The following VPS13A variants were observed in gnomAD, a reference collection of about 807,000 sequenced individuals.
The protein encoded by VPS13A is vacuolar protein sorting 13 homolog A.
A neutral mutation model predicts 390.9 loss-of-function variants in VPS13A; 264 were observed. The observed-to-expected ratio is 0.68, with a 90% confidence interval of 0.61 to 0.75. VPS13A has a LOEUF of 0.75. Ranked by LOEUF, VPS13A falls within the 30% of genes least tolerant of loss-of-function variation. The pLI, the probability that VPS13A is intolerant of heterozygous loss-of-function variation, is 0.00. For synonymous variants in VPS13A, 1,231 were observed against 1,227.1 expected, an observed-to-expected ratio of 1.00 and a Z score of -0.07; for missense variants, 3,409 against 3,733.9, an observed-to-expected ratio of 0.91 and a Z score of 2.27.
chr9:77,232,955 A>C (rs1823919136), intron 17 of VPS13A, among the ~76,000 whole-genome samples: 1 of 152,140 alleles, frequency 6.6e-6, no homozygotes, highest in Non-Finnish European at 1.5e-5. Flanking sequence ...GTTTTACTAT[A>C]AGTAAGTTTA....
At chr9:77,247,177 T>C (rs192405247) in intron 19 of VPS13A, 82 bp from the exon 20 acceptor site, 3 of 1,152,384 alleles carry the variant, frequency 2.6e-6, no homozygotes, top group Non-Finnish European at 3.6e-6. Context: ...AAGATTGTTT[T>C]ATCAGTTCAT....
intron 67 of VPS13A, among the ~76,000 whole-genome samples, chr9:77,376,616 G>A (rs957924997): frequency 2.0e-5 from 3 of 152,150 alleles, no homozygotes; most frequent in East Asian, 3.8e-4. Flanking sequence ...TGAGGTTGTC[G>A]TTCTTTTTAG....
At chr9:77,293,792 G>A (rs913749800) in intron 32 of VPS13A, among the ~76,000 whole-genome samples, 3 of 151,858 alleles carry the variant, frequency 2.0e-5, no homozygotes, top group African/African-American at 4.8e-5. Context: ...TAGAACCTTC[G>A]TTTTATATGT....
chr9:77,356,485 G>A (rs1034635701), intron 54 of VPS13A, among the ~76,000 whole-genome samples: 1 of 152,100 alleles, frequency 6.6e-6, no homozygotes, highest in Non-Finnish European at 1.5e-5. Context: ...GCTCCAGAAT[G>A]ACAGAGATGT....
chr9:77,413,607 C>G (rs1225810324), intron 71 of VPS13A, among the ~76,000 whole-genome samples: 1 of 152,170 alleles, frequency 6.6e-6, no homozygotes, highest in East Asian at 1.9e-4. Flanking sequence ...GGATTAAAGA[C>G]TTAAATGTTA....
intron 37 of VPS13A, 95 bp from the exon 38 acceptor site, chr9:77,315,158 C>A: frequency 8.9e-7 from 1 of 1,119,098 alleles, no homozygotes; most frequent in Non-Finnish European, 1.3e-6. Flanking sequence ...TTTTTTTTGT[C>A]AGTAAAAGAG....
rs1457296388 is a variant in VPS13A at position 77,415,964 on chromosome 9, C to G, written c.9483C>G (p.Leu3161=). The G allele has an allele frequency of 3.1e-6, 5 of 1,613,350 alleles. No individual in the cohort carries two copies. The highest frequency in any genetic ancestry group is 4.2e-6 in the Non-Finnish European group (5 of 1,179,508). The change falls in exon 72 of 72, where the codon CTC becomes CTG. Residue 3161 remains leucine, a synonymous_variant. Coordinates refer to ENST00000360280, the MANE Select transcript of VPS13A (RefSeq NM_033305.3). ...TTATTTTCCCACCGCAGTGGATCCT[C>G]ACAAAGCTACAAGAAGCAAGAGAAC... is the stretch of plus-strand genomic sequence containing the variant. ...FKTPEDARWI[L]TKLQEAREPS... is the part of the protein sequence containing the mutation.
intron 23 of VPS13A, among the ~76,000 whole-genome samples, chr9:77,264,806 T>C (rs1034239419): frequency 6.6e-6 from 1 of 152,216 alleles, no homozygotes. Flanking sequence ...CTTGCCTGAT[T>C]TCCCTGGCCA....
In VPS13A at chr9:77,314,562, G is replaced by C; in HGVS notation, c.4310G>C (p.Ser1437Thr). 6.2e-7 allele frequency: 1 copy of C among 1,610,890 alleles called. No individual in the cohort carries two copies. The highest frequency in any genetic ancestry group is 8.5e-7 in the Non-Finnish European group (1 of 1,178,000). ...LAEFKLENII[S>T]TLKMYTDGST... is the part of the protein sequence containing the mutation. ...GAATTTAAATTGGAGAATATTATAA[G>C]TACTTTAAAAATGTATACAGATGGC... The change falls in exon 37 of 72, where the codon AGT becomes ACT. Residue 1437 changes from serine (S) to threonine (T), a missense_variant. This residue lies in a region of VPS13A where 2,717 missense variants were observed against 2,917.4 expected (regional missense o/e 0.93). Coordinates refer to ENST00000360280, the MANE Select transcript of VPS13A (RefSeq NM_033305.3).
intron 23 of VPS13A, among the ~76,000 whole-genome samples, chr9:77,266,758 T>C (rs1826058913): frequency 6.6e-6 from 1 of 152,286 alleles, no homozygotes; most frequent in Admixed American, 6.5e-5. Flanking sequence ...AAGAGTGTTT[T>C]CCAACTTGGT....
chr9:77,185,674 C>T (rs891911997), intron 1 of VPS13A, among the ~76,000 whole-genome samples: 5 of 152,090 alleles, frequency 3.3e-5, no homozygotes, highest in Admixed American at 3.3e-4. Context: ...AACAGTCTTC[C>T]CCTCCTCTTT....
At chr9:77,374,609 G>A (rs983186805) in intron 67 of VPS13A, among the ~76,000 whole-genome samples, 1 of 152,200 alleles carries the variant, frequency 6.6e-6, no homozygotes, top group Non-Finnish European at 1.5e-5. Flanking sequence ...GACCACAGTT[G>A]ACTGTGGATA....
chr9:77,215,311 A>G (rs561539263), intron 10 of VPS13A, among the ~76,000 whole-genome samples: 1 of 152,278 alleles, frequency 6.6e-6, no homozygotes, highest in South Asian at 2.1e-4. Context: ...TGTCTATATT[A>G]TACACCTTCA....
At position 77,318,549 on chromosome 9, in the gene VPS13A, C is replaced by G; in HGVS notation, c.5271C>G (p.Asn1757Lys). Residue 1757 changes from asparagine (N) to lysine (K), a missense_variant, in exon 41 of 72, where the codon AAC becomes AAG. Coordinates refer to ENST00000360280, the MANE Select transcript of VPS13A (RefSeq NM_033305.3). ...AKSRFSGEGK[N>K]WSSLINLHCQ... ...CACGTTTTTCAGGGGAAGGCAAAAA[C>G]TGGAGTTCCCTAATAAATCTGCACT... 6.2e-7 allele frequency: 1 copy of G among 1,613,828 alleles called. No individual in the cohort carries two copies. The highest frequency in any genetic ancestry group is 8.5e-7 in the Non-Finnish European group (1 of 1,179,886).
intron 50 of VPS13A, among the ~76,000 whole-genome samples, chr9:77,340,956 A>C (rs893690929): frequency 2.0e-5 from 3 of 152,188 alleles, no homozygotes; most frequent in Non-Finnish European, 4.4e-5. Context: ...TTAGAAGTGA[A>C]ATTTTGATTT....
At chr9:77,337,566 T>C in intron 47 of VPS13A, 29 bp downstream of exon 47, 1 of 1,597,134 alleles carries the variant, frequency 6.3e-7, no homozygotes, top group Non-Finnish European at 8.5e-7. Flanking sequence ...AGTGCCTTCC[T>C]GTTTTTGATT....
chr9:77,402,870 TTG>T (rs1206685951), intron 68 of VPS13A, among the ~76,000 whole-genome samples: 7 of 152,242 alleles, frequency 4.6e-5, no homozygotes, highest in Non-Finnish European at 8.8e-5. Flanking sequence ...ATGTTTAGAT[TTG>T]TGTTAGTATT....
chr9:77,281,206 A>G (rs967469602), intron 27 of VPS13A, among the ~76,000 whole-genome samples: 1 of 152,150 alleles, frequency 6.6e-6, no homozygotes, highest in Non-Finnish European at 1.5e-5. Flanking sequence ...GACAGGAAGA[A>G]TAATTTTTGA....
At chr9:77,401,206 C>T (rs1235797576) in intron 68 of VPS13A, among the ~76,000 whole-genome samples, 2 of 152,068 alleles carry the variant, frequency 1.3e-5, no homozygotes, top group African/African-American at 2.4e-5. Flanking sequence ...TCTCATTCTT[C>T]TTTCATAATT....
Sources: gnomAD v4.1 joint callset for allele counts (sites outside exome capture counted in the v4.1 genomes callset) on GRCh38, gnomAD v4.1.1 for gene constraint, gnomAD v4.1.1 regional missense constraint, MANE v1.5 for transcripts, NCBI Gene and HGNC (gene_info 2026-07-23, HGNC 2026-07-21) for gene names.